The following FAM13A variants were observed in gnomAD, a reference collection of about 807,000 sequenced individuals.
FAM13A encodes the protein protein FAM13A.
A neutral mutation model predicts 129.6 loss-of-function variants in FAM13A; 76 were observed. The observed-to-expected ratio is 0.59, with a 90% CI of 0.49 to 0.71. The LOEUF (loss-of-function observed/expected upper bound fraction) is 0.71, where lower values mean the gene tolerates loss of function less well. Among genes scored for constraint, FAM13A ranks in the 30% least tolerant of loss-of-function variants. FAM13A has a pLI of 0.00. For synonymous variants in FAM13A, 443 were observed against 449.9 expected (o/e 0.98, Z 0.20); for missense variants, 1,108 against 1,249.3 (o/e 0.89, Z 1.70).
At chr4:88,767,323 T>C (rs910693907) in intron 13 of FAM13A, among the ~76,000 whole-genome samples, 2 of 152,230 alleles carry the variant, frequency 1.3e-5, no homozygotes, top group East Asian at 1.9e-4. Flanking sequence ...GAAATCCCTA[T>C]GCTATTAAAG....
chr4:88,830,350 T>G (rs1207805090), intron 7 of FAM13A, among the ~76,000 whole-genome samples: 5 of 152,192 alleles, frequency 3.3e-5, no homozygotes, highest in Non-Finnish European at 5.9e-5. Flanking sequence ...TATAAAAAGC[T>G]TGTTTTAGAA....
intron 6 of FAM13A, among the ~76,000 whole-genome samples, chr4:88,882,629 C>A (rs886469976): frequency 6.7e-6 from 1 of 150,368 alleles, no homozygotes; most frequent in African/African-American, 2.4e-5. Flanking sequence ...CTTCAGGCAA[C>A]AAACAGCATG....
At chr4:89,035,041 G>A (rs1214632419) in intron 1 of FAM13A, among the ~76,000 whole-genome samples, 3 of 152,120 alleles carry the variant, frequency 2.0e-5, no homozygotes, top group Non-Finnish European at 4.4e-5. Context: ...GGAATACAAC[G>A]CAGCCATAAA....
At position 88,897,356 on chromosome 4, in the gene FAM13A, C is replaced by T. The variant is rs546548243; in HGVS notation, c.843+9023G>A. Among the ~76,000 whole-genome samples the T allele has an allele frequency of 1.9e-4, 29 of 152,310 alleles. No individual in the cohort carries two copies. In the South Asian group the frequency reaches 2.1e-3, roughly 11 times the overall value. ...CATTACTCATCCAGAAGTGCCATGG[C>T]ACTGTGTAATAGATGTATCATCTTT... On this transcript the variant is annotated intron_variant, in intron 6 of 23. Coordinates refer to ENST00000264344, the MANE Select transcript of FAM13A (RefSeq NM_014883.4).
At position 88,747,472 on chromosome 4, in the gene FAM13A, C is replaced by T. The variant is rs542684657; in HGVS notation, c.2382+159G>A. Among the ~76,000 whole-genome samples, 6 of 152,322 alleles carry T rather than the reference C, an allele frequency of 3.9e-5. No individual in the cohort carries two copies. In the South Asian group the frequency reaches 6.2e-4, roughly 16 times the overall value. On this transcript the variant is annotated intron_variant, in intron 18 of 23. Transcript: ENST00000264344. ...CAAAAACCAAAGCACCCACAGTTAA[C>T]GCACTCTGCAGCTGTTTCATCAGCT...
intron 11 of FAM13A, among the ~76,000 whole-genome samples, chr4:88,773,188 C>T (rs1269108898): frequency 6.6e-6 from 1 of 152,190 alleles, no homozygotes; most frequent in East Asian, 1.9e-4. Flanking sequence ...GTCATCTTCT[C>T]CTCTCTATTG....
Position 88,760,514 on chromosome 4 carries a change from G to C in FAM13A, c.1579-1613C>G, listed in dbSNP as rs1053925827. Among the ~76,000 whole-genome samples, 12 of 58,530 alleles carry C rather than the reference G, an allele frequency of 2.1e-4. 4 individuals carry two copies. Among genetic ancestry groups the C allele is most frequent in the Admixed American group, 1.1e-3 (6 of 5,590 alleles). 38.4% of individuals were successfully genotyped at this position (58,530 alleles called of 152,430 possible). On this transcript the variant is annotated intron_variant, in intron 13 of 23. Transcript: ENST00000264344. ...GGCTACTCGGGAGGCTGAGGCAGGA[G>C]AATGGCGTGAACCCGGGAGGCGGAG...
chr4:88,911,836 G>A (rs2150259098), intron 5 of FAM13A, among the ~76,000 whole-genome samples: 1 of 152,196 alleles, frequency 6.6e-6, no homozygotes, highest in African/African-American at 2.4e-5. Context: ...TCTCCCATTA[G>A]CTATGGTCCT....
At chr4:88,971,124 A>C (rs1760024360) in intron 4 of FAM13A, among the ~76,000 whole-genome samples, 1 of 152,172 alleles carries the variant, frequency 6.6e-6, no homozygotes, top group Non-Finnish European at 1.5e-5. Flanking sequence ...GGCATGAGGC[A>C]GGAGAATGGC....
intron 7 of FAM13A, among the ~76,000 whole-genome samples, chr4:88,808,524 T>C (rs1192266784): frequency 6.6e-6 from 1 of 152,146 alleles, no homozygotes; most frequent in Admixed American, 6.6e-5. Context: ...TTGAGCATAA[T>C]TTGTCATAAT....
intron 3 of FAM13A, among the ~76,000 whole-genome samples, chr4:89,002,849 G>C (rs1384421635): frequency 6.6e-6 from 1 of 152,100 alleles, no homozygotes; most frequent in Non-Finnish European, 1.5e-5. Flanking sequence ...AAAGAGTATG[G>C]TGTTTTGCAA....
At chr4:88,856,424 C>A (rs535367888) in intron 6 of FAM13A, among the ~76,000 whole-genome samples, 2 of 152,080 alleles carry the variant, frequency 1.3e-5, no homozygotes, top group Non-Finnish European at 2.9e-5. Context: ...GTTGAGGCTG[C>A]AGTGAGCTGT....
At chr4:88,855,991 G>A (rs1288578470) in intron 6 of FAM13A, 12 of 152,282 alleles carry the variant, frequency 7.9e-5, no homozygotes, top group Admixed American at 2.0e-4. Context: ...CCACTTAAAA[G>A]TTTCTTCCCA....
chr4:89,048,917 T>A (rs1421576485), intron 1 of FAM13A, among the ~76,000 whole-genome samples: 2 of 152,186 alleles, frequency 1.3e-5, no homozygotes, highest in Non-Finnish European at 2.9e-5. Flanking sequence ...CATCTTTTGT[T>A]CATCATTTTT....
At chr4:88,994,273 T>C (rs1327817876) in intron 3 of FAM13A, among the ~76,000 whole-genome samples, 1 of 152,206 alleles carries the variant, frequency 6.6e-6, no homozygotes, top group Non-Finnish European at 1.5e-5. Flanking sequence ...AGACCTTAAT[T>C]TATTAGCATG....
Position 88,851,160 on chromosome 4 carries a change from T to A in FAM13A, c.867A>T (p.Gly289=). 1 of 1,603,384 alleles carries A rather than the reference T, an allele frequency of 6.2e-7. No homozygotes were observed. Among genetic ancestry groups the A allele is most frequent in the Non-Finnish European group, 8.5e-7 (1 of 1,173,736 alleles). The stretch of plus-strand genomic sequence containing the variant: ...GCAGTACTCTGTGGGCCTGAATAGA[T>A]CCCTCACTCCTGGATTTTGGGATCT... The part of the protein sequence containing the change: ...KTKIPKSRSE[G]SIQAHRVLQP... Residue 289 remains glycine, a synonymous_variant, in exon 7 of 24, where the codon GGA becomes GGT. Transcript: ENST00000264344.
At chr4:88,796,543 G>A (rs1400959683) in intron 8 of FAM13A, among the ~76,000 whole-genome samples, 1 of 151,878 alleles carries the variant, frequency 6.6e-6, no homozygotes, top group Non-Finnish European at 1.5e-5. Flanking sequence ...ATAGTTATAT[G>A]TATAAGTCCT....
chr4:88,921,756 A>T (rs1353041643), intron 5 of FAM13A, among the ~76,000 whole-genome samples: 1 of 152,218 alleles, frequency 6.6e-6, no homozygotes, highest in Admixed American at 6.5e-5. Context: ...ACAGACTGGC[A>T]AATTGGATAA....
At chr4:88,823,226 C>A in intron 7 of FAM13A, 2 of 1,390,376 alleles carry the variant, frequency 1.4e-6, no homozygotes, top group Non-Finnish European at 9.3e-7. Context: ...TGCTTCTCTA[C>A]ATTTACACTG....
Sources: allele counts gnomAD v4.1 joint callset (sites outside exome capture counted in the v4.1 genomes callset), GRCh38; gene constraint gnomAD v4.1.1; transcripts MANE v1.5; gene names NCBI Gene and HGNC (gene_info 2026-07-23, HGNC 2026-07-21).